COL21A1: variants seen among roughly 807,000 people sequenced by gnomAD.
COL21A1 encodes collagen type XXI alpha 1 chain.
COL21A1 carries 149 observed loss-of-function variants against 137.9 expected under a neutral mutation model. That is an observed-to-expected ratio of 1.08 (90% confidence interval 0.95 to 1.24). The LOEUF is 1.24. Ranked by LOEUF, COL21A1 falls within the 50% of genes most tolerant of loss-of-function variation. The probability of loss-of-function intolerance (pLI) is 0.00; values close to 1 mark genes in which losing one functional copy is unlikely to be tolerated. For missense variants in COL21A1, 1,167 were observed against 1,158.4 expected (o/e 1.01, Z -0.11); for synonymous variants, 456 against 391.5 (o/e 1.16, Z -1.95).
At chr6:56,126,359 C>A in intron 12 of COL21A1, 1 of 460,024 alleles carries the variant, frequency 2.2e-6, no homozygotes, top group Non-Finnish European at 3.9e-6. Flanking sequence ...TATTTTGGAG[C>A]TAAGAAAATC....
chr6:56,177,306 A>G (rs1777560847), intron 3 of COL21A1, among the ~76,000 whole-genome samples: 1 of 152,182 alleles, frequency 6.6e-6, no homozygotes, highest in Non-Finnish European at 1.5e-5. Flanking sequence ...CAACTACAGC[A>G]GAGTATAAAA....
intron 1 of COL21A1, among the ~76,000 whole-genome samples, chr6:56,221,211 A>G (rs1048475161): frequency 6.6e-6 from 1 of 152,114 alleles, no homozygotes; most frequent in Non-Finnish European, 1.5e-5. Flanking sequence ...ATGTTCCCAG[A>G]TATGACCAAA....
chr6:56,128,736 C>A (rs553348664), intron 12 of COL21A1, among the ~76,000 whole-genome samples: 2 of 152,236 alleles, frequency 1.3e-5, no homozygotes, highest in South Asian at 2.1e-4. Context: ...CTCACTGCAA[C>A]CTCTGCCCCC....
In COL21A1 at chr6:56,097,873, A is replaced by C. The variant is rs1251043953; in HGVS notation, c.1812+3599T>G. Among the ~76,000 whole-genome samples the C allele has an allele frequency of 1.0e-4, 10 of 100,206 alleles. 2 individuals are homozygous for C. The highest frequency in any genetic ancestry group is 4.0e-4 in the African/African-American group (10 of 24,938). The allele number at this position is 100,206 out of a possible 152,430, so 65.7% of individuals were successfully genotyped here. ...TATATATAAATATATAAAAATATCT[A>C]TAAATATATAAATATATATAAATAT... is the stretch of plus-strand genomic sequence containing the variant. On this transcript the variant is annotated intron_variant, in intron 17 of 29. Coordinates refer to ENST00000244728, the MANE Select transcript of COL21A1 (RefSeq NM_030820.4).
chr6:56,307,214 G>A (rs10807513), intron 1 of COL21A1, among the ~76,000 whole-genome samples: 114,895 of 152,128 alleles, frequency 0.76, 45,396 homozygotes, highest in South Asian at 0.89. Context: ...CAGATCTCCA[G>A]CTACATGCTG....
At chr6:56,193,910 A>T (rs967327104) in intron 1 of COL21A1, among the ~76,000 whole-genome samples, 3 of 152,084 alleles carry the variant, frequency 2.0e-5, no homozygotes, top group Admixed American at 6.6e-5. Context: ...GTGCGACACC[A>T]TGCCCAGTTA....
chr6:56,315,320 C>A (rs1257157497), intron 1 of COL21A1, among the ~76,000 whole-genome samples: 2 of 152,140 alleles, frequency 1.3e-5, no homozygotes, highest in African/African-American at 2.4e-5. Flanking sequence ...CATAGGCTGA[C>A]CAGTCACCTA....
chr6:56,237,261 C>T (rs1351002834), intron 1 of COL21A1, among the ~76,000 whole-genome samples: 1 of 152,108 alleles, frequency 6.6e-6, no homozygotes, highest in Non-Finnish European at 1.5e-5. Context: ...CAGCTCTATA[C>T]TGTCCTGATT....
chr6:56,196,598 G>C (rs151220428), intron 1 of COL21A1, among the ~76,000 whole-genome samples: 1 of 151,846 alleles, frequency 6.6e-6, no homozygotes, highest in African/African-American at 2.4e-5. Flanking sequence ...AATTAAGAAA[G>C]GAATATAATT....
intron 1 of COL21A1, among the ~76,000 whole-genome samples, chr6:56,266,243 CATAA>C (rs2152331597): frequency 6.6e-6 from 1 of 152,282 alleles, no homozygotes; most frequent in South Asian, 2.1e-4. Flanking sequence ...TCATGAATGT[CATAA>C]ACATCTAATA....
At position 56,130,165 on chromosome 6, in the gene COL21A1, TTATATATATATATATA is replaced by T. The variant is rs201644225; in HGVS notation, c.1543-4032_1543-4017del. 1.3e-3 allele frequency among the ~76,000 whole-genome samples: 137 copies of T among 107,942 alleles called. 1 individual carries two copies. The highest frequency in any genetic ancestry group is 3.5e-3 in the African/African-American group (97 of 27,700). 70.8% of individuals were successfully genotyped at this position (107,942 alleles called of 152,430 possible). On this transcript the variant is annotated intron_variant, in intron 12 of 29. Transcript: ENST00000244728. Reference sequence around the variant, plus strand: ...CCCTGAGAGCATTCATGACAGGGTTTTATATATATATATATATATATATATATATATATATATATAT... The same window carrying T: ...CCCTGAGAGCATTCATGACAGGGTTTTATATATATATATATATATATATAT...
At chr6:56,073,107 A>T (rs1396744299) in intron 20 of COL21A1, among the ~76,000 whole-genome samples, 1 of 151,240 alleles carries the variant, frequency 6.6e-6, no homozygotes, top group African/African-American at 2.4e-5. Context: ...TATCTAATAA[A>T]AAAAAAAAAA....
At chr6:56,173,055 T>C (rs1385230013) in intron 3 of COL21A1, among the ~76,000 whole-genome samples, 1 of 152,164 alleles carries the variant, frequency 6.6e-6, no homozygotes, top group Non-Finnish European at 1.5e-5. Context: ...TATCAGTAAT[T>C]ACCTTAAATG....
intron 1 of COL21A1, among the ~76,000 whole-genome samples, chr6:56,281,427 G>C (rs1222365120): frequency 1.3e-5 from 2 of 152,106 alleles, no homozygotes; most frequent in African/African-American, 4.8e-5. Flanking sequence ...AAAGCAAAAA[G>C]GTAACAGTGG....
rs574953319 is a variant in COL21A1, at chr6:56,123,771, A to G, written c.1758+291T>C. ...ACTGAAACCTCAATCTTTGGGAGAC[A>G]CAGAAAAGAACCTCTGTTTCTAACC... On this transcript the variant is annotated intron_variant, in intron 16 of 29. Coordinates refer to ENST00000244728, the MANE Select transcript of COL21A1 (RefSeq NM_030820.4). Among the ~76,000 whole-genome samples, 3 of 152,352 alleles carry G rather than the reference A, an allele frequency of 2.0e-5. No individual in the cohort carries two copies. In the East Asian group the frequency reaches 5.8e-4, roughly 29 times the overall value.
chr6:56,339,593 C>T (rs952494805), intron 1 of COL21A1, among the ~76,000 whole-genome samples: 6 of 152,010 alleles, frequency 3.9e-5, no homozygotes, highest in Non-Finnish European at 8.8e-5. Flanking sequence ...GGAAAAACTC[C>T]GGGTAGCACA....
At chr6:56,211,014 T>C (rs1271313140) in intron 1 of COL21A1, among the ~76,000 whole-genome samples, 1 of 151,676 alleles carries the variant, frequency 6.6e-6, no homozygotes, top group South Asian at 2.1e-4. Flanking sequence ...TGTGTGACAG[T>C]AGCAAGGTGG....
intron 1 of COL21A1, among the ~76,000 whole-genome samples, chr6:56,191,644 C>A (rs1338501905): frequency 1.3e-5 from 2 of 149,244 alleles, no homozygotes; most frequent in South Asian, 4.3e-4. Flanking sequence ...CTCCCATTCA[C>A]TATTGCTACA....
intron 17 of COL21A1, among the ~76,000 whole-genome samples, chr6:56,097,851 A>C (rs1241511255): frequency 4.9e-5 from 5 of 102,194 alleles, no homozygotes; most frequent in Non-Finnish European, 9.0e-5. Context: ...ATATAAATAT[A>C]TATAAATATA....
Sources: gnomAD v4.1 joint callset for allele counts (sites outside exome capture counted in the v4.1 genomes callset) on GRCh38, gnomAD v4.1.1 for gene constraint, MANE v1.5 for transcripts, NCBI Gene and HGNC (gene_info 2026-07-23, HGNC 2026-07-21) for gene names.